The following HNF4A variants were observed in gnomAD, a reference collection of about 807,000 sequenced individuals.
HNF4A encodes hepatocyte nuclear factor 4 alpha.
HNF4A carries 15 observed loss-of-function variants against 52.4 expected under a neutral mutation model. That is an observed-to-expected ratio of 0.29 (90% CI 0.19 to 0.44). HNF4A has a LOEUF of 0.44. HNF4A is among the 20% of genes least tolerant of loss of function. The pLI, the probability that HNF4A is intolerant of heterozygous loss-of-function variation, is 1.00. For missense variants in HNF4A, 479 were observed against 647.2 expected (o/e 0.74, Z 2.82); for synonymous variants, 280 against 264.4 (o/e 1.06, Z -0.57).
At chr20:44,376,433 C>CT (rs937344627) in intron 1 of HNF4A, among the ~76,000 whole-genome samples, 3 of 151,952 alleles carry the variant, frequency 2.0e-5, no homozygotes, top group East Asian at 1.9e-4. Flanking sequence ...CTCATTTCTC[C>CT]TTTTTTTAAA....
intron 1 of HNF4A, among the ~76,000 whole-genome samples, chr20:44,357,326 A>G (rs1205042217): frequency 6.6e-6 from 1 of 152,050 alleles, no homozygotes; most frequent in African/African-American, 2.4e-5. Flanking sequence ...GAGAGCGGGG[A>G]GATTAGAGGA....
intron 1 of HNF4A, among the ~76,000 whole-genome samples, chr20:44,384,342 A>G (rs1231552155): frequency 1.3e-5 from 2 of 152,056 alleles, no homozygotes; most frequent in African/African-American, 4.8e-5. Flanking sequence ...AAATAAATTG[A>G]AGTAAAAAGA....
chr20:44,367,639 C>CA (rs61083507), intron 1 of HNF4A, among the ~76,000 whole-genome samples: 55,711 of 121,046 alleles, frequency 0.46, 11,314 homozygotes, highest in Middle Eastern at 0.53. Flanking sequence ...CACTCCGTCT[C>CA]AAAAAAAAAA....
intron 9 of HNF4A, among the ~76,000 whole-genome samples, chr20:44,429,245 C>A (rs530126506): frequency 2.0e-5 from 3 of 152,290 alleles, no homozygotes; most frequent in South Asian, 2.1e-4. Flanking sequence ...TTGGGAGAAG[C>A]AGTCCAAGTC....
chr20:44,390,525 T>C (rs2063289390), intron 1 of HNF4A: 1 of 678,828 alleles, frequency 1.5e-6, no homozygotes, highest in Admixed American at 2.2e-5. Context: ...TATTAAGGGA[T>C]TAACTCTGCC....
intron 4 of HNF4A, 35 bp downstream of exon 4, chr20:44,413,835 C>T (rs1961709940): frequency 2.1e-6 from 3 of 1,413,514 alleles, no homozygotes; most frequent in Non-Finnish European, 3.0e-6. Flanking sequence ...CCCAGGGATC[C>T]CCCACACTAC....
At chr20:44,370,229 G>A (rs1395809524) in intron 1 of HNF4A, among the ~76,000 whole-genome samples, 1 of 152,016 alleles carries the variant, frequency 6.6e-6, no homozygotes, top group East Asian at 1.9e-4. Context: ...GGGTTTCACC[G>A]TGTTAGCCAG....
intron 1 of HNF4A, 59 bp from the exon 2 acceptor site, chr20:44,405,999 C>T (rs1404757921): frequency 6.5e-7 from 1 of 1,532,738 alleles, no homozygotes; most frequent in Non-Finnish European, 9.0e-7. Flanking sequence ...CGCAAGGCTC[C>T]CTTAGATGCC....
chr20:44,395,073 G>T (rs1038995882), intron 1 of HNF4A, among the ~76,000 whole-genome samples: 4 of 151,466 alleles, frequency 2.6e-5, no homozygotes, highest in African/African-American at 7.4e-5. Context: ...GGGTGAACAA[G>T]CCAGTGGCCA....
At chr20:44,426,709 A>C (rs1279621628) in intron 8 of HNF4A, among the ~76,000 whole-genome samples, 2 of 152,128 alleles carry the variant, frequency 1.3e-5, no homozygotes, top group African/African-American at 4.8e-5. Context: ...CGGGAGGCTG[A>C]GGCAGGACAA....
Position 44,413,945 on chromosome 20 carries a change from T to A in HNF4A, c.492+145T>A. On this transcript the variant is annotated intron_variant, in intron 4 of 9. Transcript: ENST00000316099. Reference sequence around the variant, plus strand: ...TTACAGAAGGGACACTGAGTCCGGTTTCACATGGCCCAGTTTGCAGCAAGG... The same window carrying A: ...TTACAGAAGGGACACTGAGTCCGGTATCACATGGCCCAGTTTGCAGCAAGG... 1.3e-5 allele frequency: 9 copies of A among 692,190 alleles called. No homozygotes were observed. The South Asian group carries it at 1.4e-4, about 11-fold the overall frequency. The allele number at this position is 692,190 out of a possible 1,614,324, so 42.9% of individuals were successfully genotyped here. A position where few individuals can be genotyped will look rare whatever the true frequency, so the allele number is the denominator to read the frequency against.
In HNF4A at chr20:44,413,940, C is replaced by G. The variant is rs11574738; in HGVS notation, c.492+140C>G. 124,556 of 697,464 alleles carry G rather than the reference C, an allele frequency of 0.18. 12,307 individuals carry two copies. Among genetic ancestry groups the G allele is most frequent in the Non-Finnish European group, 0.2 (78,260 of 386,448 alleles). The allele number at this position is 697,464 out of a possible 1,614,324, so 43.2% of individuals were successfully genotyped here. ...AGATATTACAGAAGGGACACTGAGT[C>G]CGGTTTCACATGGCCCAGTTTGCAG... is the stretch of plus-strand genomic sequence containing the variant. On this transcript the variant is annotated intron_variant, in intron 4 of 9. Transcript: ENST00000316099.
chr20:44,419,454 C>T (rs1028849426), intron 6 of HNF4A, among the ~76,000 whole-genome samples: 1 of 152,114 alleles, frequency 6.6e-6, no homozygotes, highest in Non-Finnish European at 1.5e-5. Context: ...TGAATGTCAT[C>T]GATCTTGTGA....
intron 1 of HNF4A, among the ~76,000 whole-genome samples, chr20:44,404,153 G>T (rs925696838): frequency 6.6e-6 from 1 of 152,172 alleles, no homozygotes; most frequent in Admixed American, 6.5e-5. Context: ...ATGTGGAAAA[G>T]TTTTTATTTC....
chr20:44,356,338 G>A (rs1568683541), intron 1 of HNF4A, among the ~76,000 whole-genome samples: 1 of 152,158 alleles, frequency 6.6e-6, no homozygotes, highest in East Asian at 1.9e-4. Flanking sequence ...AAAGCGCCGC[G>A]CAGGGTGGAG....
At chr20:44,424,311 C>G in intron 8 of HNF4A, 57 bp downstream of exon 8, 1 of 1,603,096 alleles carries the variant, frequency 6.2e-7, no homozygotes. Flanking sequence ...AGGAGACAGG[C>G]CTCACACAGT....
intron 1 of HNF4A, among the ~76,000 whole-genome samples, chr20:44,396,201 T>C (rs2063351751): frequency 1.3e-5 from 2 of 152,184 alleles, no homozygotes; most frequent in Non-Finnish European, 2.9e-5. Flanking sequence ...GCAAGTCACT[T>C]CACCTCTCTG....
intron 9 of HNF4A, 40 bp from the exon 10 acceptor site, chr20:44,429,483 G>A (rs2063850591): frequency 6.2e-7 from 1 of 1,614,004 alleles, no homozygotes; most frequent in Non-Finnish European, 8.5e-7. Context: ...ACAAAGGCTG[G>A]AATTTTGAGC....
At chr20:44,402,187 G>T (rs1408315651) in intron 1 of HNF4A, among the ~76,000 whole-genome samples, 1 of 152,122 alleles carries the variant, frequency 6.6e-6, no homozygotes, top group African/African-American at 2.4e-5. Flanking sequence ...TTCATTGAGT[G>T]GGTCTGTGTT....
Sources: allele counts gnomAD v4.1 joint callset (sites outside exome capture counted in the v4.1 genomes callset), GRCh38; gene constraint gnomAD v4.1.1; transcripts MANE v1.5; gene names NCBI Gene and HGNC (gene_info 2026-07-23, HGNC 2026-07-21).